The following ODF2 variants were observed in gnomAD, a reference collection of about 807,000 sequenced individuals.
ODF2 encodes the protein outer dense fiber of sperm tails 2.
Under a neutral mutation model 110.2 loss-of-function variants are expected in ODF2, and 47 were observed. That is an observed-to-expected ratio of 0.43 (90% CI 0.34 to 0.54). The LOEUF is 0.54. Among genes scored for constraint, ODF2 ranks in the 20% least tolerant of loss-of-function variants. The pLI is 0.03. For synonymous variants in ODF2, 352 were observed against 397.7 expected, an observed-to-expected ratio of 0.89 and a Z score of 1.37; for missense variants, 812 against 1,054.5, an observed-to-expected ratio of 0.77 and a Z score of 3.19.
At chr9:128,464,481 G>A (rs1837335731) in intron 4 of ODF2, among the ~76,000 whole-genome samples, 2 of 150,302 alleles carry the variant, frequency 1.3e-5, no homozygotes, top group South Asian at 4.2e-4. Context: ...AAAATAAAAA[G>A]CCTTGGTAGT....
At chr9:128,488,357 T>TGA (rs1245539721) in intron 14 of ODF2, among the ~76,000 whole-genome samples, 1 of 151,704 alleles carries the variant, frequency 6.6e-6, no homozygotes, top group Non-Finnish European at 1.5e-5. Flanking sequence ...CCTGGGAGGT[T>TGA]GAGGCTGTGG....
At chr9:128,455,926 C>G (rs1183165897), upstream of ODF2, 12 of 1,387,244 alleles carry the variant, frequency 8.7e-6, no homozygotes, top group East Asian at 3.0e-4. Context: ...GAATGGGGGG[C>G]GAGACCCGGC....
chr9:128,492,676 G>T, intron 15 of ODF2, 25 bp from the exon 16 acceptor site: 1 of 1,605,922 alleles, frequency 6.2e-7, no homozygotes, highest in South Asian at 1.1e-5. Context: ...TACCTAAGAT[G>T]AACCACAGTG....
At chr9:128,488,839 A>G (rs1843943916) in intron 14 of ODF2, among the ~76,000 whole-genome samples, 1 of 152,092 alleles carries the variant, frequency 6.6e-6, no homozygotes, top group Non-Finnish European at 1.5e-5. Flanking sequence ...CCCTGTCTGT[A>G]CTAAAAATAC....
At chr9:128,475,405 T>C (rs984705692) in intron 8 of ODF2, among the ~76,000 whole-genome samples, 3 of 152,180 alleles carry the variant, frequency 2.0e-5, no homozygotes, top group Admixed American at 1.3e-4. Flanking sequence ...ACGTACACAA[T>C]ATAGAATGGC....
rs142513510 is a variant in ODF2, at chr9:128,468,788, C to T, written c.250-395C>T. Among the ~76,000 whole-genome samples, 535 of 152,308 alleles carry T rather than the reference C, an allele frequency of 3.5e-3. 3 individuals carry two copies. Among genetic ancestry groups the T allele is most frequent in the South Asian group, 0.025 (119 of 4,828 alleles). ...CCACCCGCCTCAGCCTCCCAAAGCG[C>T]TGGGATTGCAGATGTGAGCCACCAT... is the stretch of plus-strand genomic sequence containing the variant. On this transcript the variant is annotated intron_variant, in intron 4 of 20. Coordinates refer to ENST00000604420, the Ensembl canonical transcript of ODF2.
Position 128,487,856 on chromosome 9 carries a change from T to G in ODF2, c.1401-34T>G, listed in dbSNP as rs780187553. The G allele has an allele frequency of 1.9e-5, 30 of 1,612,056 alleles. 1 individual carries two copies. In the South Asian group the frequency reaches 3.3e-4, roughly 18 times the overall value. On this transcript the variant is annotated intron_variant, in intron 13 of 20. Coordinates refer to ENST00000604420, the Ensembl canonical transcript of ODF2. The stretch of plus-strand genomic sequence containing the variant: ...ACACAAACAAACCTGTGTAATTGAT[T>G]CTCTCTGTCTGCTTTCACTTTGTGA...
intron 12 of ODF2, 82 bp downstream of exon 12, chr9:128,484,968 A>C: frequency 1.6e-5 from 17 of 1,044,788 alleles, no homozygotes; most frequent in Non-Finnish European, 2.1e-5. Context: ...CCAGATGGGT[A>C]GCGGGGAGGG....
At chr9:128,457,357 C>T in exon 2 of ODF2, 1 of 1,612,170 alleles carries the variant, frequency 6.2e-7, no homozygotes, top group Non-Finnish European at 8.5e-7. Context: ...TCCCCCTGAG[C>T]AGAGCCTGCT....
chr9:128,486,188 G>A (rs1474924445), intron 13 of ODF2, among the ~76,000 whole-genome samples: 1 of 152,142 alleles, frequency 6.6e-6, no homozygotes, highest in South Asian at 2.1e-4. Context: ...CTGGACTAAG[G>A]ATAGGTCATG....
chr9:128,460,517 A>T, intron 3 of ODF2, 33 bp from the exon 3 acceptor site: 1 of 1,609,436 alleles, frequency 6.2e-7, no homozygotes. Context: ...CCACAGATCA[A>T]CCATTTTTGT....
At chr9:128,467,495 A>C (rs952195920) in intron 4 of ODF2, among the ~76,000 whole-genome samples, 2 of 152,062 alleles carry the variant, frequency 1.3e-5, no homozygotes, top group African/African-American at 2.4e-5. Flanking sequence ...CTGAAATCCC[A>C]GCACTTTGGG....
exon 15 of ODF2, chr9:128,492,468 C>T (rs768354696): frequency 6.2e-7 from 1 of 1,613,910 alleles, no homozygotes; most frequent in Non-Finnish European, 8.5e-7. Flanking sequence ...CCAGGCACAC[C>T]TCGAGGTCCA....
intron 5 of ODF2, among the ~76,000 whole-genome samples, chr9:128,470,048 A>ATATATATATAT (rs1554829182): frequency 1.2e-5 from 1 of 81,866 alleles, no homozygotes; most frequent in East Asian, 5.3e-4. Flanking sequence ...TATATATATA[A>ATATATATATAT]ATAAAAAAAT....
At position 128,487,816 on chromosome 9, in the gene ODF2, C is replaced by A. The variant is rs907666958; in HGVS notation, c.1401-74C>A. On this transcript the variant is annotated intron_variant, in intron 13 of 20. Coordinates refer to ENST00000604420, the Ensembl canonical transcript of ODF2. ...AACAAACAAACAAAACACACACACA[C>A]ACACACACACACACACACAAACAAA... The A allele has an allele frequency of 2.0e-4, 301 of 1,511,550 alleles. 1 individual carries two copies. The highest frequency in any genetic ancestry group is 1.1e-3 in the South Asian group (93 of 86,734). 93.6% of individuals were successfully genotyped at this position (1,511,550 alleles called of 1,614,324 possible).
chr9:128,500,124 G>A (rs747309665), exon 21 of ODF2: 10 of 1,614,144 alleles, frequency 6.2e-6, no homozygotes, highest in Admixed American at 3.3e-5. Flanking sequence ...GGAGCAGTCC[G>A]AGAGCACCAA....
intron 8 of ODF2, among the ~76,000 whole-genome samples, chr9:128,480,731 C>T (rs894048791): frequency 1.3e-5 from 2 of 152,182 alleles, no homozygotes; most frequent in African/African-American, 2.4e-5. Context: ...GCAGGAGAAT[C>T]GCTTGAACCT....
At chr9:128,496,123 A>C in exon 18 of ODF2, 4 of 1,614,014 alleles carry the variant, frequency 2.5e-6, no homozygotes, top group African/African-American at 2.7e-5. Flanking sequence ...CTGAGTCTGA[A>C]GGTGGATGAA....
intron 20 of ODF2, 34 bp from the exon 21 acceptor site, chr9:128,500,033 C>G: frequency 6.2e-7 from 1 of 1,612,198 alleles, no homozygotes; most frequent in Non-Finnish European, 8.5e-7. Flanking sequence ...TTGGACACTG[C>G]ACAGCGGGCC....
Sources: gnomAD v4.1 joint callset for allele counts (sites outside exome capture counted in the v4.1 genomes callset) on GRCh38, gnomAD v4.1.1 for gene constraint, MANE v1.5 for transcripts, NCBI Gene and HGNC (gene_info 2026-07-23, HGNC 2026-07-21) for gene names.